SBSPON: variants seen among roughly 807,000 people sequenced by gnomAD.
SBSPON encodes somatomedin-B and thrombospondin type-1 domain-containing protein.
In SBSPON, 30 loss-of-function variants were observed where a neutral mutation model predicts 35.8. That is an observed-to-expected ratio of 0.84 (90% CI 0.63 to 1.14). The LOEUF (loss-of-function observed/expected upper bound fraction) is 1.14. Ranked by LOEUF, SBSPON falls within the 50% of genes most tolerant of loss-of-function variation. SBSPON has a pLI of 0.00. For synonymous variants in SBSPON, 136 were observed against 135.9 expected (o/e 1.00, Z 0.00); for missense variants, 364 against 357.7 (o/e 1.02, Z -0.14).
chr8:73,076,063 T>G (rs963608503), intron 2 of SBSPON, among the ~76,000 whole-genome samples: 7 of 152,194 alleles, frequency 4.6e-5, no homozygotes, highest in Non-Finnish European at 8.8e-5. Context: ...AATCTGTAAT[T>G]ACAATTTTAG....
intron 1 of SBSPON, among the ~76,000 whole-genome samples, chr8:73,083,095 C>T (rs911766141): frequency 6.6e-6 from 1 of 152,182 alleles, no homozygotes; most frequent in Non-Finnish European, 1.5e-5. Flanking sequence ...AGGATTCCAT[C>T]GTCATATGTG....
intron 2 of SBSPON, among the ~76,000 whole-genome samples, 182 bp from the exon 3 acceptor site, chr8:73,072,052 C>T (rs148513205): frequency 6.6e-6 from 1 of 152,150 alleles, no homozygotes; most frequent in Admixed American, 6.5e-5. Flanking sequence ...GCACACAGAT[C>T]GGTAGGGAGG....
At chr8:73,079,438 T>C (rs1485349823) in intron 2 of SBSPON, among the ~76,000 whole-genome samples, 6 of 152,118 alleles carry the variant, frequency 3.9e-5, no homozygotes, top group Non-Finnish European at 8.8e-5. Context: ...TTCGCTGTGC[T>C]ACTGCCTCTC....
intron 2 of SBSPON, among the ~76,000 whole-genome samples, chr8:73,079,788 C>T (rs575095365): frequency 6.6e-6 from 1 of 152,300 alleles, no homozygotes; most frequent in South Asian, 2.1e-4. Flanking sequence ...TAATTGCACC[C>T]CTCTCACTAG....
rs143580665 is a variant in SBSPON at position 73,082,590 on chromosome 8, A to G, written c.215-1377T>C. Among the ~76,000 whole-genome samples, 21 of 152,370 alleles carry G rather than the reference A, an allele frequency of 1.4e-4. No individual in the cohort carries two copies. In the East Asian group the frequency reaches 3.9e-3, roughly 28 times the overall value. Reference sequence around the variant, plus strand: ...CATCAATGAAATACCCACAGGTATCACATGTCAACTACCTAAAGAAGCCAG... The same window carrying G: ...CATCAATGAAATACCCACAGGTATCGCATGTCAACTACCTAAAGAAGCCAG... On this transcript the variant is annotated intron_variant, in intron 1 of 4. Transcript: ENST00000297354.
intron 1 of SBSPON, among the ~76,000 whole-genome samples, chr8:73,092,006 C>T (rs1810944790): frequency 6.6e-6 from 1 of 152,230 alleles, no homozygotes. Flanking sequence ...CTTCCACTTC[C>T]ATGGCTGGCT....
chr8:73,084,090 G>C (rs1274087084), intron 1 of SBSPON, among the ~76,000 whole-genome samples: 1 of 152,238 alleles, frequency 6.6e-6, no homozygotes, highest in Non-Finnish European at 1.5e-5. Flanking sequence ...AAAGCTAAAA[G>C]CTCTGCTGAA....
chr8:73,076,668 G>A (rs74498073), intron 2 of SBSPON, among the ~76,000 whole-genome samples: 1 of 151,412 alleles, frequency 6.6e-6, no homozygotes, highest in Admixed American at 6.6e-5. Flanking sequence ...AAAAAAAAAA[G>A]ATGTGGCAAC....
At chr8:73,084,755 C>G (rs1038422457) in intron 1 of SBSPON, among the ~76,000 whole-genome samples, 1 of 55,182 alleles carries the variant, frequency 1.8e-5, no homozygotes, top group Admixed American at 1.6e-4. Flanking sequence ...CACAGACACA[C>G]ACACACACAC....
intron 2 of SBSPON, among the ~76,000 whole-genome samples, chr8:73,076,700 G>A (rs1810600881): frequency 6.6e-6 from 1 of 151,806 alleles, no homozygotes; most frequent in South Asian, 2.1e-4. Flanking sequence ...ACCGAGAAAT[G>A]CATTGTTGCT....
chr8:73,077,272 C>T (rs1586093800), intron 2 of SBSPON, among the ~76,000 whole-genome samples: 1 of 152,220 alleles, frequency 6.6e-6, no homozygotes, highest in Non-Finnish European at 1.5e-5. Context: ...AAAATGAATA[C>T]ACTCCTTCAC....
intron 1 of SBSPON, among the ~76,000 whole-genome samples, chr8:73,088,373 G>A (rs1300350691): frequency 6.6e-6 from 1 of 152,168 alleles, no homozygotes; most frequent in Non-Finnish European, 1.5e-5. Flanking sequence ...GCAACAATAG[G>A]TAAAATAATG....
chr8:73,071,456 G>A (rs1007509867), intron 3 of SBSPON, among the ~76,000 whole-genome samples: 8 of 152,118 alleles, frequency 5.3e-5, no homozygotes, highest in African/African-American at 1.9e-4. Context: ...AAACAGAGGT[G>A]GTGCTGAAGT....
chr8:73,079,689 G>A (rs577864468), intron 2 of SBSPON, among the ~76,000 whole-genome samples: 3 of 151,916 alleles, frequency 2.0e-5, no homozygotes, highest in South Asian at 4.2e-4. Flanking sequence ...GATTACACCC[G>A]CTGAGAGCTC....
At chr8:73,085,858 C>T (rs1340585185) in intron 1 of SBSPON, 2 of 152,132 alleles carry the variant, frequency 1.3e-5, no homozygotes, top group Admixed American at 6.5e-5. Flanking sequence ...AGCAGTGTCT[C>T]CTTGGTTAAT....
chr8:73,092,797 T>C, intron 1 of SBSPON, 57 bp downstream of exon 1: 1 of 1,405,172 alleles, frequency 7.1e-7, no homozygotes. Flanking sequence ...CGCCCTGCCC[T>C]GTGCCCGTTG....
chr8:73,070,042 AAGTCTT>A (rs1810463971), intron 3 of SBSPON, 61 bp from the exon 4 acceptor site: 1 of 1,101,948 alleles, frequency 9.1e-7, no homozygotes, highest in African/African-American at 1.6e-5. Context: ...AAGCTGTAGA[AAGTCTT>A]AGAAAGCCTG....
chr8:73,068,284 T>TA (rs1329215894), intron 4 of SBSPON, among the ~76,000 whole-genome samples: 2 of 152,220 alleles, frequency 1.3e-5, no homozygotes, highest in Admixed American at 6.5e-5. Context: ...CTATTTGATA[T>TA]AAATTCCTTA....
chr8:73,071,393 AG>A (rs1810490100), intron 3 of SBSPON, among the ~76,000 whole-genome samples: 1 of 152,228 alleles, frequency 6.6e-6, no homozygotes, highest in Non-Finnish European at 1.5e-5. Flanking sequence ...CTGTACCAAT[AG>A]GTTTCCATAA....
Sources: gnomAD v4.1 joint callset for allele counts (sites outside exome capture counted in the v4.1 genomes callset) on GRCh38, gnomAD v4.1.1 for gene constraint, MANE v1.5 for transcripts, NCBI Gene and HGNC (gene_info 2026-07-23, HGNC 2026-07-21) for gene names.